Variants in HIVEP1 observed in about 807,000 individuals in gnomAD.
The protein encoded by HIVEP1 is zinc finger protein 40.
Under a neutral mutation model 180.0 loss-of-function variants are expected in HIVEP1, and 36 were observed. The ratio of observed to expected loss-of-function variants is 0.20; its 90% CI spans 0.15 to 0.26. The LOEUF (loss-of-function observed/expected upper bound fraction) is 0.26, where lower values mean the gene tolerates loss of function less well. Among genes scored for constraint, HIVEP1 ranks in the 10% least tolerant of loss-of-function variants. The pLI, the probability that HIVEP1 is intolerant of heterozygous loss-of-function variation, is 1.00. For missense variants in HIVEP1, 3,143 were observed against 3,268.7 expected (o/e 0.96, Z 0.94); for synonymous variants, 1,239 against 1,239.0 (o/e 1.00, Z 0.00).
chr6:12,142,711 T>C (rs1759124171), intron 7 of HIVEP1, among the ~76,000 whole-genome samples: 1 of 152,292 alleles, frequency 6.6e-6, no homozygotes, highest in African/African-American at 2.4e-5. Context: ...CTATCACCAC[T>C]GATCCCACAG....
intron 3 of HIVEP1, among the ~76,000 whole-genome samples, chr6:12,109,183 C>T (rs1320044029): frequency 1.3e-5 from 2 of 151,868 alleles, no homozygotes; most frequent in Admixed American, 6.6e-5. Context: ...TTAGTAGAGA[C>T]GGGATTTCAC....
At chr6:12,074,643 T>TGTGTGTGTGTGTGTATGTGTGTGC (rs573970756) in intron 2 of HIVEP1, among the ~76,000 whole-genome samples, 4,649 of 148,104 alleles carry the variant, frequency 0.031, 108 homozygotes, top group Non-Finnish European at 0.048. Context: ...TGTGTGTGTG[T>TGTGTGTGTGTGTGTATGTGTGTGC]GCGCGCGCGT....
At chr6:12,188,694 TA>T in the HIVEP1 span, among the ~76,000 whole-genome samples, 1 of 152,018 alleles carries the variant, frequency 6.6e-6, no homozygotes, top group East Asian at 1.9e-4. Flanking sequence ...ATGAGTAACA[TA>T]AAAATATTAT....
At chr6:12,195,855 A>G in the HIVEP1 span, among the ~76,000 whole-genome samples, 2 of 152,252 alleles carry the variant, frequency 1.3e-5, no homozygotes, top group Non-Finnish European at 2.9e-5. Context: ...CTGAATATAT[A>G]AAGAAGTTTC....
intron 8 of HIVEP1, among the ~76,000 whole-genome samples, chr6:12,162,260 C>T (rs979934827): frequency 6.6e-6 from 1 of 151,328 alleles, no homozygotes; most frequent in African/African-American, 2.4e-5. Flanking sequence ...GAACACAAGT[C>T]CCGCAACTGA....
intron 3 of HIVEP1, among the ~76,000 whole-genome samples, chr6:12,115,347 ATTCTT>A (rs1430682378): frequency 4.1e-5 from 3 of 73,454 alleles, no homozygotes; most frequent in Non-Finnish European, 2.5e-5. Context: ...TTCCCCAACT[ATTCTT>A]TTTTTTTTTT....
At chr6:12,051,541 G>A (rs935498671) in intron 2 of HIVEP1, among the ~76,000 whole-genome samples, 26 of 151,992 alleles carry the variant, frequency 1.7e-4, no homozygotes, top group African/African-American at 6.3e-4. Context: ...TATACATAGT[G>A]TATGTATGTA....
chr6:12,115,592 A>G (rs1271172064), intron 3 of HIVEP1, among the ~76,000 whole-genome samples: 1 of 151,714 alleles, frequency 6.6e-6, no homozygotes, highest in Non-Finnish European at 1.5e-5. Flanking sequence ...ATTTTCAGTC[A>G]TTACCGGTAG....
intron 7 of HIVEP1, among the ~76,000 whole-genome samples, chr6:12,149,856 T>C (rs946701101): frequency 1.3e-5 from 2 of 152,162 alleles, no homozygotes; most frequent in African/African-American, 4.8e-5. Flanking sequence ...GTGAAAATGA[T>C]GTGATGAAAG....
chr6:12,140,480 T>C (rs1245086379), intron 7 of HIVEP1, among the ~76,000 whole-genome samples: 2 of 152,170 alleles, frequency 1.3e-5, no homozygotes, highest in East Asian at 3.9e-4. Context: ...AGATCGCAGC[T>C]CCTCGCCAGC....
chr6:12,210,814 TC>T, the HIVEP1 span, among the ~76,000 whole-genome samples: 1 of 152,114 alleles, frequency 6.6e-6, no homozygotes, highest in Non-Finnish European at 1.5e-5. Context: ...AAGAAACAGC[TC>T]CCAAATCTGG....
At chr6:12,152,294 A>G (rs768648253) in intron 7 of HIVEP1, among the ~76,000 whole-genome samples, 7 of 152,248 alleles carry the variant, frequency 4.6e-5, no homozygotes, top group Non-Finnish European at 7.3e-5. Flanking sequence ...TTTTGAGTCC[A>G]TAACAAGTCC....
chr6:12,172,423 C>A, the HIVEP1 span, among the ~76,000 whole-genome samples: 2 of 151,922 alleles, frequency 1.3e-5, no homozygotes, highest in Non-Finnish European at 2.9e-5. Flanking sequence ...TTCCCCACCA[C>A]CTAGACCATA....
Position 12,073,691 on chromosome 6 carries a change from G to A in HIVEP1, c.41-15493G>A, listed in dbSNP as rs191558785. Among the ~76,000 whole-genome samples the A allele has an allele frequency of 1.7e-3, 263 of 152,186 alleles. 1 individual carries two copies. Among genetic ancestry groups the A allele is most frequent in the Non-Finnish European group, 2.9e-3 (194 of 68,004 alleles). ...TATATATTTTCTCTACATTTTTATT[G>A]TTATTAGAAGGAGGGTTAGTCTCAT... On this transcript the variant is annotated intron_variant, in intron 2 of 8. Transcript: ENST00000379388.
rs2113700056 is a variant in HIVEP1, at chr6:12,164,383, A to G, written c.8079A>G (p.Leu2693=). The change falls in exon 9 of 9, where the codon CTA becomes CTG. Residue 2693 remains leucine (L), a synonymous_variant. Coordinates refer to ENST00000379388, the MANE Select transcript of HIVEP1 (RefSeq NM_002114.4). ...PDRQVPRPTA[L]PRRQPTVHFS... is the part of the protein sequence containing the mutation. ...GACAGGTTCCCAGGCCCACAGCACT[A>G]CCGCGGAGGCAGCCCACTGTGCACT... The G allele has an allele frequency of 6.2e-7, 1 of 1,613,114 alleles. No homozygotes were observed. The highest frequency in any genetic ancestry group is 8.5e-7 in the Non-Finnish European group (1 of 1,179,188).
At chr6:12,042,728 AT>A (rs2113686021) in intron 2 of HIVEP1, among the ~76,000 whole-genome samples, 1 of 152,224 alleles carries the variant, frequency 6.6e-6, no homozygotes, top group Non-Finnish European at 1.5e-5. Context: ...TTTATCAAAT[AT>A]TTTATTGATT....
At chr6:12,034,944 C>T (rs1007236054) in intron 2 of HIVEP1, among the ~76,000 whole-genome samples, 4 of 152,084 alleles carry the variant, frequency 2.6e-5, no homozygotes, top group South Asian at 2.1e-4. Context: ...AAAAATAATG[C>T]GGGTAAGCTT....
the HIVEP1 span, among the ~76,000 whole-genome samples, chr6:12,184,483 T>C: frequency 2.0e-5 from 3 of 152,246 alleles, no homozygotes; most frequent in Non-Finnish European, 4.4e-5. Context: ...TTGATCTGTA[T>C]TTATTGCCAT....
upstream of HIVEP1, among the ~76,000 whole-genome samples, chr6:12,011,270 T>TCCCCCCCCCCCCCCCCCCCC (rs76242358): frequency 2.8e-5 from 2 of 71,632 alleles, no homozygotes; most frequent in Admixed American, 1.7e-4. Flanking sequence ...CCCCTTGGGG[T>TCCCCCCCCCCCCCCCCCCCC]CCCCCCCCCC....
Sources: allele counts gnomAD v4.1 joint callset (sites outside exome capture counted in the v4.1 genomes callset), GRCh38; gene constraint gnomAD v4.1.1; transcripts MANE v1.5; gene names NCBI Gene and HGNC (gene_info 2026-07-23, HGNC 2026-07-21).